GRM7: variants seen among roughly 807,000 people sequenced by gnomAD.
The protein encoded by GRM7 is metabotropic glutamate receptor 7.
In GRM7, 35 loss-of-function variants were observed where a neutral mutation model predicts 84.5. The observed-to-expected ratio is 0.41, with a 90% CI of 0.32 to 0.55. GRM7 has a LOEUF of 0.55. Among genes scored for constraint, GRM7 ranks in the 20% least tolerant of loss-of-function variants. The pLI, the probability that GRM7 is intolerant of heterozygous loss-of-function variation, is 0.19. For missense variants in GRM7, 1,003 were observed against 1,194.6 expected (o/e 0.84, Z 2.36); for synonymous variants, 487 against 455.1 (o/e 1.07, Z -0.89).
intron 8 of GRM7, among the ~76,000 whole-genome samples, chr3:7,596,328 T>A (rs1696042173): frequency 6.6e-6 from 1 of 152,034 alleles, no homozygotes; most frequent in Non-Finnish European, 1.5e-5. Context: ...TTATGAACGG[T>A]GGTGAAGATG....
chr3:7,164,090 G>A lies in GRM7; in HGVS notation c.736+17422G>A, dbSNP rs567456147. 4.7e-4 allele frequency among the ~76,000 whole-genome samples: 72 copies of A among 152,274 alleles called. No homozygotes were observed. The South Asian group carries it at 0.014, about 30-fold the overall frequency. ...AATTAAAACCATAGCCACATGCAGT[G>A]GCTCACACCTGTAATCCCAGCACTT... On this transcript the variant is annotated intron_variant, in intron 2 of 9. Coordinates refer to ENST00000357716, the MANE Select transcript of GRM7 (RefSeq NM_000844.4).
chr3:7,491,420 A>G (rs991604004), intron 7 of GRM7, among the ~76,000 whole-genome samples: 3 of 151,934 alleles, frequency 2.0e-5, no homozygotes. Flanking sequence ...TGGTATATAT[A>G]TATATATATA....
At chr3:7,431,091 T>C (rs1376161822) in intron 5 of GRM7, among the ~76,000 whole-genome samples, 1 of 152,046 alleles carries the variant, frequency 6.6e-6, no homozygotes, top group Non-Finnish European at 1.5e-5. Flanking sequence ...GTTCCACATC[T>C]TCAGCCGGCA....
chr3:7,233,088 C>A lies in GRM7; in HGVS notation c.737-65596C>A, dbSNP rs77296217. ...AGCTATTACCAAGTTTTGATTTGGA[C>A]CATTATATCAAAGGATATTTTTCTT... On this transcript the variant is annotated intron_variant, in intron 2 of 9. Coordinates refer to ENST00000357716, the MANE Select transcript of GRM7 (RefSeq NM_000844.4). Among the ~76,000 whole-genome samples, 365 of 152,106 alleles carry A rather than the reference C, an allele frequency of 2.4e-3. 1 individual carries two copies. Among genetic ancestry groups the A allele is most frequent in the African/African-American group, 8.3e-3 (343 of 41,492 alleles).
intron 8 of GRM7, among the ~76,000 whole-genome samples, chr3:7,670,884 C>G (rs942799386): frequency 6.6e-6 from 1 of 152,096 alleles, no homozygotes; most frequent in African/African-American, 2.4e-5. Context: ...ATGAATATGG[C>G]AGAGGATTAA....
At chr3:7,122,303 G>C (rs939590125) in intron 1 of GRM7, among the ~76,000 whole-genome samples, 2 of 152,114 alleles carry the variant, frequency 1.3e-5, no homozygotes, top group African/African-American at 4.8e-5. Flanking sequence ...ATATTTATTT[G>C]TCATGATGAA....
intron 8 of GRM7, among the ~76,000 whole-genome samples, chr3:7,664,385 A>G (rs1699592174): frequency 6.6e-6 from 1 of 152,146 alleles, no homozygotes; most frequent in Non-Finnish European, 1.5e-5. Context: ...TGGGTATTTC[A>G]TGATTCAGAT....
chr3:7,387,617 G>A (rs1296796207), intron 4 of GRM7, among the ~76,000 whole-genome samples: 1 of 151,990 alleles, frequency 6.6e-6, no homozygotes, highest in African/African-American at 2.4e-5. Flanking sequence ...CTTTATTTCG[G>A]GGGTCTGTAT....
chr3:7,083,990 G>A (rs968726709), intron 1 of GRM7, among the ~76,000 whole-genome samples: 6 of 152,072 alleles, frequency 3.9e-5, no homozygotes, highest in Non-Finnish European at 7.4e-5. Context: ...TTTTAGAGAG[G>A]TAAAAGCTGA....
intron 6 of GRM7, among the ~76,000 whole-genome samples, chr3:7,458,423 A>G (rs1319508785): frequency 6.6e-6 from 1 of 152,182 alleles, no homozygotes; most frequent in African/African-American, 2.4e-5. Context: ...TAAGAAGTTC[A>G]TGGATGCTGT....
chr3:7,640,732 G>T, intron 8 of GRM7, among the ~76,000 whole-genome samples: 1 of 152,104 alleles, frequency 6.6e-6, no homozygotes, highest in East Asian at 1.9e-4. Flanking sequence ...CAATCTAATG[G>T]GACTTGGAAA....
intron 1 of GRM7, among the ~76,000 whole-genome samples, chr3:6,975,587 T>C (rs1693957233): frequency 1.3e-5 from 2 of 152,242 alleles, no homozygotes. Flanking sequence ...TACACACCTA[T>C]GTATTTGCAA....
Position 6,981,132 on chromosome 3 carries a change from C to T in GRM7, c.519+119225C>T, listed in dbSNP as rs148219768. ...GGAATGAAGTTCAGATAAGGTTTAACCAAAACCCTGAAGGATATTGAGACA... is the reference window on the plus strand; with the variant it reads ...GGAATGAAGTTCAGATAAGGTTTAATCAAAACCCTGAAGGATATTGAGACA... On this transcript the variant is annotated intron_variant, in intron 1 of 9. Transcript: ENST00000357716. Among the ~76,000 whole-genome samples the T allele has an allele frequency of 2.2e-4, 33 of 152,198 alleles. 1 individual carries two copies. The highest frequency in any genetic ancestry group is 7.2e-4 in the Admixed American group (11 of 15,286).
At chr3:7,048,716 ATACT>A (rs1353944270) in intron 1 of GRM7, among the ~76,000 whole-genome samples, 4 of 152,008 alleles carry the variant, frequency 2.6e-5, no homozygotes, top group Non-Finnish European at 5.9e-5. Flanking sequence ...ATTACCTGAC[ATACT>A]TACTCTTTGT....
intron 1 of GRM7, among the ~76,000 whole-genome samples, chr3:7,116,476 C>T (rs1451258768): frequency 6.6e-6 from 1 of 152,108 alleles, no homozygotes; most frequent in African/African-American, 2.4e-5. Context: ...AAGTGTTTTG[C>T]CTCTGGGGCT....
chr3:7,708,431 C>T (rs1416532493), intron 9 of GRM7, among the ~76,000 whole-genome samples: 1 of 152,072 alleles, frequency 6.6e-6, no homozygotes, highest in Non-Finnish European at 1.5e-5. Context: ...AAGAAAAGTC[C>T]TCATTCTGCC....
In GRM7 at chr3:7,151,005, G is replaced by A. The variant is rs894273535; in HGVS notation, c.736+4337G>A. On this transcript the variant is annotated intron_variant, in intron 2 of 9. Transcript: ENST00000357716. This position sits in a 1 kb window ranked among gnomAD's most constrained non-coding sequence, Gnocchi z 4.5. ...CTGCTATGCTACCATCATACATGTC[G>A]ACTTCTCAAAACCTAAAAGATCTAT... 1.3e-5 allele frequency among the ~76,000 whole-genome samples: 2 copies of A among 151,914 alleles called. No individual in the cohort carries two copies. Among genetic ancestry groups the A allele is most frequent in the African/African-American group, 2.4e-5 (1 of 41,350 alleles).
At chr3:6,938,536 G>T (rs1575038761) in intron 1 of GRM7, among the ~76,000 whole-genome samples, 2 of 152,110 alleles carry the variant, frequency 1.3e-5, no homozygotes, top group African/African-American at 4.8e-5. Context: ...GATCACTGCG[G>T]TAGGCTTAGA....
intron 2 of GRM7, among the ~76,000 whole-genome samples, chr3:7,269,701 T>C (rs1698782858): frequency 6.6e-6 from 1 of 152,138 alleles, no homozygotes; most frequent in Non-Finnish European, 1.5e-5. Context: ...AAAGTTTATT[T>C]TTCTGCTGGG....
Sources: gnomAD v4.1 joint callset for allele counts (sites outside exome capture counted in the v4.1 genomes callset) on GRCh38, gnomAD v4.1.1 for gene constraint, Gnocchi (gnomAD v3.1) non-coding constraint, MANE v1.5 for transcripts, NCBI Gene and HGNC (gene_info 2026-07-23, HGNC 2026-07-21) for gene names.